DOCK11: variants seen among roughly 807,000 people sequenced by gnomAD.
DOCK11 encodes dedicator of cytokinesis 11.
DOCK11 carries 70 observed loss-of-function variants against 169.1 expected under a neutral mutation model. That is an observed-to-expected ratio of 0.41 (90% confidence interval 0.34 to 0.51). The LOEUF (loss-of-function observed/expected upper bound fraction) is 0.51. DOCK11 is among the 20% of genes least tolerant of loss of function. The pLI is 0.10. For synonymous variants in DOCK11, 529 were observed against 541.3 expected, an observed-to-expected ratio of 0.98 and a Z score of 0.32; for missense variants, 1,166 against 1,538.8, an observed-to-expected ratio of 0.76 and a Z score of 4.05.
chrX:118,604,669 T>G (rs878975220), intron 23 of DOCK11, among the ~76,000 whole-genome samples: 1 of 110,289 alleles, frequency 9.1e-6, no homozygotes, highest in Non-Finnish European at 1.9e-5. Flanking sequence ...TTCTTTTTGA[T>G]GTTTGTAACG....
At chrX:118,540,563 A>G in intron 1 of DOCK11, among the ~76,000 whole-genome samples, 1 of 112,031 alleles carries the variant, frequency 8.9e-6, no homozygotes, top group Middle Eastern at 4.6e-3. Flanking sequence ...TACAAATCCA[A>G]ATTTAAGACT....
chrX:118,604,521 CTTTTTTTTTTTT>C lies in DOCK11; in HGVS notation c.2563-700_2563-689del, dbSNP rs74504860. ...AAAGATGCTCAGCGAGGTTTGTTTC[CTTTTTTTTTTTT>C]TTTTTTTTTTTTTTTTGGTTAGCTG... On this transcript the variant is annotated intron_variant, in intron 23 of 52. Coordinates refer to ENST00000276202, the MANE Select transcript of DOCK11 (RefSeq NM_144658.4). Among the ~76,000 whole-genome samples, 28 of 38,194 alleles carry C rather than the reference CTTTTTTTTTTTT, an allele frequency of 7.3e-4. 1 individual carries two copies. Among genetic ancestry groups the C allele is most frequent in the African/African-American group, 2.8e-3 (25 of 8,933 alleles). 33.2% of individuals were successfully genotyped at this position (38,194 alleles called of 115,157 possible).
chrX:118,496,227 G>A (rs1278495278), intron 1 of DOCK11, among the ~76,000 whole-genome samples, 154 bp downstream of exon 1: 2 of 112,140 alleles, frequency 1.8e-5, no homozygotes, highest in Non-Finnish European at 3.8e-5. Context: ...CGCCGGCCGG[G>A]GTCCGAGTCC....
intron 37 of DOCK11, among the ~76,000 whole-genome samples, chrX:118,638,821 T>C (rs1390645623): frequency 1.8e-5 from 2 of 111,966 alleles, no homozygotes; most frequent in African/African-American, 6.5e-5. Flanking sequence ...GGTATGGCCA[T>C]TGTTACCATG....
chrX:118,660,411 G>A (rs181853173), intron 44 of DOCK11, among the ~76,000 whole-genome samples: 3 of 111,477 alleles, frequency 2.7e-5, no homozygotes, highest in Non-Finnish European at 3.8e-5. Context: ...GACCATTTTA[G>A]GCATGCTTAT....
chrX:118,572,283 C>T, intron 10 of DOCK11, 40 bp from the exon 11 acceptor site: 1 of 1,089,662 alleles, frequency 9.2e-7, no homozygotes, highest in Non-Finnish European at 1.2e-6. Context: ...ATATGAATCC[C>T]ATCTTTTTTT....
At position 118,573,968 on chromosome X, in the gene DOCK11, G is replaced by A. The variant is rs781110408; in HGVS notation, c.1339G>A (p.Glu447Lys). Reference sequence around the variant, plus strand: ...CGGTAGCCCAAAGGGCTCTTCACCCGAATCTTACATTCATGGAATTGCCGA... The same window carrying A: ...CGGTAGCCCAAAGGGCTCTTCACCCAAATCTTACATTCATGGAATTGCCGA... ...SDGSPKGSSPESYIHGIAESQ... is the reference protein window; with the variant it reads ...SDGSPKGSSPKSYIHGIAESQ... The change falls in exon 12 of 53, where the codon GAA becomes AAA. Residue 447 changes from glutamate (E) to lysine (K), a missense_variant. Physicochemically the swap from Glu to Lys is moderately conservative, Grantham distance 56. Transcript: ENST00000276202. 4.8e-5 allele frequency: 58 copies of A among 1,210,246 alleles called. No individual in the cohort carries two copies. In the South Asian group the frequency reaches 5.5e-4, roughly 11 times the overall value.
chrX:118,651,028 C>T (rs1232558959), intron 41 of DOCK11, among the ~76,000 whole-genome samples: 1 of 111,805 alleles, frequency 8.9e-6, no homozygotes, highest in Non-Finnish European at 1.9e-5. Flanking sequence ...AACTCTAGAG[C>T]CCATACACAT....
intron 46 of DOCK11, among the ~76,000 whole-genome samples, 182 bp from the exon 47 acceptor site, chrX:118,675,754 C>A (rs1367535973): frequency 1.9e-5 from 2 of 108,040 alleles, no homozygotes; most frequent in African/African-American, 6.8e-5. Context: ...ATTTTAAGTT[C>A]TACCCTTAGA....
chrX:118,642,016 A>G (rs149398101), intron 39 of DOCK11, among the ~76,000 whole-genome samples: 1,429 of 111,252 alleles, frequency 0.013, 20 homozygotes, highest in Non-Finnish European at 0.018. Flanking sequence ...CTTTTCAAAG[A>G]GGCTTATAAA....
chrX:118,531,353 A>G (rs1030722826), intron 1 of DOCK11, among the ~76,000 whole-genome samples: 2 of 87,964 alleles, frequency 2.3e-5, no homozygotes, highest in Non-Finnish European at 4.3e-5. Context: ...TACTCAGGAG[A>G]CTGAGGTGGG....
chrX:118,622,904 T>C (rs963047871), intron 31 of DOCK11, among the ~76,000 whole-genome samples: 6 of 111,853 alleles, frequency 5.4e-5, no homozygotes, highest in South Asian at 3.7e-4. Flanking sequence ...ACCAAAGTCA[T>C]GGAACAAAGG....
intron 45 of DOCK11, among the ~76,000 whole-genome samples, chrX:118,667,819 A>G (rs1168385209): frequency 9.0e-6 from 1 of 111,682 alleles, no homozygotes; most frequent in African/African-American, 3.2e-5. Context: ...TGCCAATAAT[A>G]TTTTGTAGTT....
At chrX:118,542,208 C>T (rs1283307839) in intron 1 of DOCK11, among the ~76,000 whole-genome samples, 1 of 106,098 alleles carries the variant, frequency 9.4e-6, no homozygotes, top group Non-Finnish European at 1.9e-5. Flanking sequence ...CAGGATCTTG[C>T]TCTGTTGCCC....
intron 9 of DOCK11, among the ~76,000 whole-genome samples, chrX:118,567,700 T>C (rs2013125629): frequency 9.0e-6 from 1 of 111,587 alleles, no homozygotes; most frequent in African/African-American, 3.3e-5. Context: ...CCCAAAGTGC[T>C]GGGATTACCA....
At chrX:118,586,078 A>G (rs2013805474) in intron 16 of DOCK11, among the ~76,000 whole-genome samples, 2 of 112,110 alleles carry the variant, frequency 1.8e-5, no homozygotes, top group Non-Finnish European at 3.8e-5. Flanking sequence ...ATAGATGTTC[A>G]TAAGTAGGGC....
At chrX:118,613,606 G>A (rs1051885433) in intron 28 of DOCK11, among the ~76,000 whole-genome samples, 4 of 112,635 alleles carry the variant, frequency 3.6e-5, no homozygotes, top group African/African-American at 1.3e-4. Context: ...GATAGAAGTA[G>A]CGAAAGAATT....
chrX:118,511,687 C>G (rs1389979744), intron 1 of DOCK11, among the ~76,000 whole-genome samples: 1 of 111,090 alleles, frequency 9.0e-6, no homozygotes, highest in Non-Finnish European at 1.9e-5. Flanking sequence ...GCCTGGGAAC[C>G]CTGGAACCTC....
At chrX:118,629,529 TA>T (rs1297654705) in intron 34 of DOCK11, among the ~76,000 whole-genome samples, 1 of 112,206 alleles carries the variant, frequency 8.9e-6, no homozygotes, top group Non-Finnish European at 1.9e-5. Flanking sequence ...TAATTTCTGA[TA>T]TTTTTTAAAA....
Sources: allele counts gnomAD v4.1 joint callset (sites outside exome capture counted in the v4.1 genomes callset), GRCh38; gene constraint gnomAD v4.1.1; transcripts MANE v1.5; gene names NCBI Gene and HGNC (gene_info 2026-07-23, HGNC 2026-07-21).